Variants in CNTN4 observed in about 807,000 individuals in gnomAD.
CNTN4 encodes contactin 4, also known as contactin-4.
Under a neutral mutation model 122.5 loss-of-function variants are expected in CNTN4, and 77 were observed. The observed-to-expected ratio is 0.63, with a 90% CI of 0.52 to 0.76. CNTN4 has a LOEUF of 0.76. Among genes scored for constraint, CNTN4 ranks in the 30% least tolerant of loss-of-function variants. The pLI, the probability that CNTN4 is intolerant of heterozygous loss-of-function variation, is 0.00. For synonymous variants in CNTN4, 512 were observed against 447.0 expected (o/e 1.15, Z -1.83); for missense variants, 1,256 against 1,259.1 (o/e 1.00, Z 0.04).
intron 6 of CNTN4, among the ~76,000 whole-genome samples, chr3:2,764,051 G>A (rs1243538414): frequency 2.6e-5 from 4 of 152,032 alleles, no homozygotes; most frequent in African/African-American, 4.8e-5. Context: ...AAAAAAAAGA[G>A]CAAGACATTT....
rs540800808 is a variant in CNTN4, at chr3:2,352,410, G to T, written c.-89+13177G>T. 4.4e-4 allele frequency among the ~76,000 whole-genome samples: 67 copies of T among 152,294 alleles called. 1 individual carries two copies. Among genetic ancestry groups the T allele is most frequent in the African/African-American group, 1.5e-3 (61 of 41,566 alleles). On this transcript the variant is annotated intron_variant, in intron 3 of 24. Transcript: ENST00000418658. ...GGTGTGGAGGGAAAGGCTCGGGTGG[G>T]AACCAGGGCTGCGCAGCGCTCGCAG... is the stretch of plus-strand genomic sequence containing the variant.
chr3:2,512,061 C>T (rs1364285054), intron 3 of CNTN4, among the ~76,000 whole-genome samples: 1 of 152,092 alleles, frequency 6.6e-6, no homozygotes, highest in Non-Finnish European at 1.5e-5. Flanking sequence ...AAGAGATAAT[C>T]TTTATATGCA....
chr3:2,858,432 G>A (rs1242198824), intron 7 of CNTN4, among the ~76,000 whole-genome samples: 1 of 152,154 alleles, frequency 6.6e-6, no homozygotes, highest in Non-Finnish European at 1.5e-5. Flanking sequence ...TTCAAGAAAA[G>A]CCCAATATCA....
chr3:3,001,482 C>G (rs555967523), intron 14 of CNTN4, among the ~76,000 whole-genome samples: 1 of 152,280 alleles, frequency 6.6e-6, no homozygotes, highest in East Asian at 1.9e-4. Flanking sequence ...ACTGGTAGCT[C>G]TCATGGCTAA....
chr3:2,275,682 C>T (rs932336985), intron 2 of CNTN4, among the ~76,000 whole-genome samples: 2 of 151,886 alleles, frequency 1.3e-5, no homozygotes, highest in African/African-American at 4.8e-5. Context: ...AGCACTTTGG[C>T]AGGCTGAGGC....
chr3:2,502,784 T>A (rs1394862868), intron 3 of CNTN4, among the ~76,000 whole-genome samples: 1 of 152,132 alleles, frequency 6.6e-6, no homozygotes, highest in Non-Finnish European at 1.5e-5. Context: ...GACTAATAAA[T>A]TACCGAATCA....
intron 2 of CNTN4, among the ~76,000 whole-genome samples, chr3:2,309,123 T>C (rs1297637115): frequency 2.0e-5 from 3 of 152,122 alleles, no homozygotes; most frequent in African/African-American, 7.2e-5. Flanking sequence ...TTTCCCTTCC[T>C]CTATTTTGAG....
chr3:2,350,381 G>C (rs562533545), intron 3 of CNTN4, among the ~76,000 whole-genome samples: 9 of 152,172 alleles, frequency 5.9e-5, no homozygotes, highest in African/African-American at 2.2e-4. Context: ...ACTCCACAGG[G>C]AGAAAAATAA....
chr3:2,231,961 A>G (rs1023195554), intron 2 of CNTN4, among the ~76,000 whole-genome samples: 1 of 152,162 alleles, frequency 6.6e-6, no homozygotes, highest in African/African-American at 2.4e-5. Context: ...CCTGAATTAT[A>G]TATTTCTATA....
At chr3:2,675,779 T>C (rs1292592174) in intron 4 of CNTN4, among the ~76,000 whole-genome samples, 2 of 152,210 alleles carry the variant, frequency 1.3e-5, no homozygotes, top group African/African-American at 4.8e-5. Flanking sequence ...CACACGCTGC[T>C]CTTCCTACTG....
At chr3:2,733,532 G>GTTTTTTTTTTTTTT (rs1201306391) in intron 4 of CNTN4, among the ~76,000 whole-genome samples, 1 of 120,554 alleles carries the variant, frequency 8.3e-6, no homozygotes, top group African/African-American at 3.4e-5. Context: ...GCATGTTTGT[G>GTTTTTTTTTTTTTT]TTTTTTTTTT....
At position 3,043,654 on chromosome 3, in the gene CNTN4, TG is replaced by T; in HGVS notation, c.2764del (p.Asp922IlefsTer3). The T allele has an allele frequency of 1.9e-6, 3 of 1,614,058 alleles. No homozygotes were observed. Among genetic ancestry groups the T allele is most frequent in the Non-Finnish European group, 2.5e-6 (3 of 1,179,958 alleles). On this transcript the variant is annotated frameshift_variant, in exon 23 of 25. Transcript: ENST00000418658. LOFTEE classifies it high-confidence loss of function. ...NSSDSKIILN[W>X]DQVKALDNES... ...ATCAGACTCCAAAATTATCCTGAAT[TG>T]GGATCAAGTGAAGGCCCTGGATAAT...
intron 2 of CNTN4, among the ~76,000 whole-genome samples, chr3:2,248,124 A>G (rs1399442459): frequency 2.0e-5 from 3 of 151,996 alleles, no homozygotes; most frequent in Non-Finnish European, 4.4e-5. Context: ...GTAAGAACCT[A>G]TAAAAGTTCC....
chr3:2,125,921 G>GTGTGTGTGTGTGTA (rs1553570977), intron 2 of CNTN4, among the ~76,000 whole-genome samples: 7 of 150,602 alleles, frequency 4.6e-5, no homozygotes, highest in Admixed American at 6.6e-5. Flanking sequence ...GTGTGTGTGT[G>GTGTGTGTGTGTGTA]TGTGTGTATG....
intron 2 of CNTN4, among the ~76,000 whole-genome samples, chr3:2,301,011 T>C (rs909709661): frequency 6.6e-6 from 1 of 152,206 alleles, no homozygotes; most frequent in Non-Finnish European, 1.5e-5. Flanking sequence ...TTTGAAAATA[T>C]TGCTGTTATT....
chr3:2,596,366 G>A (rs771403062), intron 4 of CNTN4, among the ~76,000 whole-genome samples: 5 of 152,054 alleles, frequency 3.3e-5, no homozygotes, highest in Non-Finnish European at 5.9e-5. Flanking sequence ...AAACATACTA[G>A]TAAAATGGAC....
chr3:2,569,174 T>G (rs1259779952), intron 3 of CNTN4, among the ~76,000 whole-genome samples: 1 of 152,156 alleles, frequency 6.6e-6, no homozygotes, highest in African/African-American at 2.4e-5. Context: ...TCACAATATA[T>G]TAAGTCCAGC....
At chr3:2,891,443 T>C (rs1322074744) in intron 10 of CNTN4, among the ~76,000 whole-genome samples, 1 of 151,568 alleles carries the variant, frequency 6.6e-6, no homozygotes, top group Non-Finnish European at 1.5e-5. Flanking sequence ...CAAGACTCCA[T>C]CTCAAATAAA....
At chr3:2,202,852 C>G (rs1559338658) in intron 2 of CNTN4, among the ~76,000 whole-genome samples, 1 of 151,416 alleles carries the variant, frequency 6.6e-6, no homozygotes, top group Non-Finnish European at 1.5e-5. Context: ...GAGATGGTGT[C>G]TTACTCTGTC....
Sources: allele counts gnomAD v4.1 joint callset (sites outside exome capture counted in the v4.1 genomes callset), GRCh38; gene constraint gnomAD v4.1.1; transcripts MANE v1.5; gene names NCBI Gene and HGNC (gene_info 2026-07-23, HGNC 2026-07-21).